CINP: variants seen among roughly 807,000 people sequenced by gnomAD.
CINP encodes cyclin-dependent kinase 2-interacting protein.
Under a neutral mutation model 20.5 loss-of-function variants are expected in CINP, and 11 were observed. The observed-to-expected ratio is 0.54, with a 90% CI of 0.34 to 0.89. The LOEUF is 0.89. Ranked by LOEUF, CINP falls within the 40% of genes least tolerant of loss-of-function variation. CINP has a pLI of 0.02. For missense variants in CINP, 213 were observed against 251.0 expected (o/e 0.85, Z 1.02); for synonymous variants, 108 against 102.1 (o/e 1.06, Z -0.35).
At chr14:102,350,983 G>A (rs1318578200) in intron 3 of CINP, among the ~76,000 whole-genome samples, 1 of 151,866 alleles carries the variant, frequency 6.6e-6, no homozygotes, top group Non-Finnish European at 1.5e-5. Context: ...GTGCCACCAC[G>A]CCCAGCTAAT....
rs376024315 is a variant in CINP at position 102,359,515 on chromosome 14, G to T, written c.80C>A (p.Ala27Glu). 6.2e-7 allele frequency: 1 copy of T among 1,612,588 alleles called. No individual in the cohort carries two copies. The highest frequency in any genetic ancestry group is 8.5e-7 in the Non-Finnish European group (1 of 1,179,250). ...SVSARKIKDN[A>E]ADWHNLILKW... ...CAGGATTAAATTGTGCCAATCAGCC[G>T]CATTGTCCTTAATTTTTCTTGCACT... is the stretch of plus-strand genomic sequence containing the variant. The change falls in exon 2 of 5, where the codon GCG (alanine) becomes GAG (glutamate). Residue 27 changes from alanine (A) to glutamate (E), a missense_variant. Transcript: ENST00000216756.
chr14:102,361,798 CA>C (rs1169587804), intron 1 of CINP, among the ~76,000 whole-genome samples: 3 of 152,188 alleles, frequency 2.0e-5, no homozygotes, highest in African/African-American at 7.2e-5. Flanking sequence ...GGGGAGTGAG[CA>C]ATGAGCTCTG....
chr14:102,348,701 C>A lies in CINP; in HGVS notation c.495G>T (p.Thr165=), dbSNP rs146783256. ...MYRKELLLKR[T]VAKELAHTGD... is the part of the protein sequence containing the mutation. ...CGGTGTGGGCAAGCTCCTTGGCCAC[C>A]GTGCGCTTCAGGAGCAGCTCCTTCC... The change falls in exon 5 of 5, where the codon ACG becomes ACT. Residue 165 remains threonine, a synonymous_variant. Transcript: ENST00000216756. 1.9e-6 allele frequency: 3 copies of A among 1,613,728 alleles called. No homozygotes were observed. Among genetic ancestry groups the A allele is most frequent in the African/African-American group, 2.7e-5 (2 of 74,924 alleles).
chr14:102,361,406 A>G (rs751582131), intron 1 of CINP, among the ~76,000 whole-genome samples: 18 of 152,156 alleles, frequency 1.2e-4, no homozygotes, highest in Non-Finnish European at 1.9e-4. Context: ...TCAGGAGGCC[A>G]AGGCGGGCGG....
At position 102,362,883 on chromosome 14, in the gene CINP, G is replaced by A; in HGVS notation, c.-32C>T. The A allele has an allele frequency of 6.2e-7, 1 of 1,613,606 alleles. No homozygotes were observed. The highest frequency in any genetic ancestry group is 8.5e-7 in the Non-Finnish European group (1 of 1,179,686). On this transcript the variant is annotated 5_prime_UTR_variant, in exon 1 of 5. Transcript: ENST00000216756. The stretch of plus-strand genomic sequence containing the variant: ...CACAGATATCCGTAGAAGGAGACGC[G>A]AAGCCCCGCCCACCCCACCGGAAAC...
At chr14:102,350,646 G>A (rs1425722724) in intron 3 of CINP, among the ~76,000 whole-genome samples, 2 of 151,708 alleles carry the variant, frequency 1.3e-5, no homozygotes, top group African/African-American at 2.4e-5. Flanking sequence ...ATGCGCCACC[G>A]CGCCTGGCTG....
At chr14:102,352,915 C>T (rs1293107957) in intron 3 of CINP, among the ~76,000 whole-genome samples, 1 of 151,672 alleles carries the variant, frequency 6.6e-6, no homozygotes, top group Non-Finnish European at 1.5e-5. Flanking sequence ...TCCTAGAGTG[C>T]TGGGATTACA....
intron 2 of CINP, among the ~76,000 whole-genome samples, chr14:102,356,659 A>G (rs1887004460): frequency 6.6e-6 from 1 of 152,216 alleles, no homozygotes; most frequent in African/African-American, 2.4e-5. Context: ...TTTTGCCAAC[A>G]GCATGTGCTT....
rs1887072544 is a variant in CINP at position 102,359,227 on chromosome 14, A to ATATAT, written c.176+191_176+192insATATA. ...AAAAAAATAAATAAATAAATAACTAAATATATATATATATATATATATATA... is the reference window on the plus strand; with the variant it reads ...AAAAAAATAAATAAATAAATAACTAATATATATATATATATATATATATATATATA... On this transcript the variant is annotated intron_variant, in intron 2 of 4. Transcript: ENST00000216756. Among the ~76,000 whole-genome samples, 374 of 115,404 alleles carry ATATAT rather than the reference A, an allele frequency of 3.2e-3. 4 individuals carry two copies. The highest frequency in any genetic ancestry group is 0.011 in the African/African-American group (359 of 31,572). The allele number at this position is 115,404 out of a possible 152,430, so 75.7% of individuals were successfully genotyped here. A position where few individuals can be genotyped will look rare whatever the true frequency, so the allele number is the denominator to read the frequency against.
chr14:102,350,056 A>G lies in CINP; in HGVS notation c.307-8T>C, dbSNP rs569207583. 45 of 1,607,428 alleles carry G rather than the reference A, an allele frequency of 2.8e-5. No individual in the cohort carries two copies. Among genetic ancestry groups the G allele is most frequent in the Non-Finnish European group, 3.6e-5 (42 of 1,175,670 alleles). On this transcript the variant is annotated splice_polypyrimidine_tract_variant and splice_region_variant and intron_variant, in intron 3 of 4. Coordinates refer to ENST00000216756, the MANE Select transcript of CINP (RefSeq NM_032630.3). The stretch of plus-strand genomic sequence containing the variant: ...TTTCACCTGTATTTTGGTCTGAAAG[A>G]TATCCATTTGGAATATGATAATATT...
At chr14:102,362,682 C>T (rs1887197043) in intron 1 of CINP, 163 bp downstream of exon 1, 3 of 909,886 alleles carry the variant, frequency 3.3e-6, no homozygotes, top group Non-Finnish European at 5.4e-6. Flanking sequence ...CCGAGCAGCT[C>T]GCAGAGGCTG....
rs149410016 is a variant in CINP, at chr14:102,360,717, T to C, written c.8-1130A>G. Among the ~76,000 whole-genome samples, 423 of 152,282 alleles carry C rather than the reference T, an allele frequency of 2.8e-3. 9 individuals carry two copies. The highest frequency in any genetic ancestry group is 0.024 in the Admixed American group (366 of 15,280). On this transcript the variant is annotated intron_variant, in intron 1 of 4. Transcript: ENST00000216756. Reference sequence around the variant, plus strand: ...AAAACCCAGTATCTCACCTGTTAGCTCAAGGGCCTCTACTATCCAAGCTCT... The same window carrying C: ...AAAACCCAGTATCTCACCTGTTAGCCCAAGGGCCTCTACTATCCAAGCTCT...
chr14:102,348,773 GA>G lies in CINP; in HGVS notation c.437-15del, dbSNP rs779602760. ...GCGAAACCTCATCTGAAAGAAACGTGAATCTCCCTTAATGGCAGTGATTCAA... is the reference window on the plus strand; with the variant it reads ...GCGAAACCTCATCTGAAAGAAACGTGATCTCCCTTAATGGCAGTGATTCAA... On this transcript the variant is annotated splice_polypyrimidine_tract_variant and intron_variant, in intron 4 of 4. Coordinates refer to ENST00000216756, the MANE Select transcript of CINP (RefSeq NM_032630.3). The G allele has an allele frequency of 6.2e-7, 1 of 1,609,034 alleles. No individual in the cohort carries two copies. The highest frequency in any genetic ancestry group is 1.7e-5 in the Admixed American group (1 of 59,478).
At chr14:102,353,198 C>G (rs1270993094) in intron 3 of CINP, among the ~76,000 whole-genome samples, 1 of 151,756 alleles carries the variant, frequency 6.6e-6, no homozygotes, top group East Asian at 1.9e-4. Context: ...AGAATAATTC[C>G]AAATAATTTA....
rs1207736185 is a variant in CINP at position 102,355,510 on chromosome 14, A to G, written c.306+258T>C. 8.6e-6 allele frequency: 3 copies of G among 347,856 alleles called. No homozygotes were observed. In the East Asian group the frequency reaches 1.6e-4, roughly 18 times the overall value. 21.5% of individuals were successfully genotyped at this position (347,856 alleles called of 1,614,324 possible). A position where few individuals can be genotyped will look rare whatever the true frequency, so the allele number is the denominator to read the frequency against. Reference sequence around the variant, plus strand: ...AGCCTGGGCGACAAAGCAAGACTCCATATCATGGAAAAAAAAAAAAAATTT... The same window carrying G: ...AGCCTGGGCGACAAAGCAAGACTCCGTATCATGGAAAAAAAAAAAAAATTT... On this transcript the variant is annotated intron_variant, in intron 3 of 4. Coordinates refer to ENST00000216756, the MANE Select transcript of CINP (RefSeq NM_032630.3).
At chr14:102,353,736 C>T (rs1886927433) in intron 3 of CINP, among the ~76,000 whole-genome samples, 1 of 152,004 alleles carries the variant, frequency 6.6e-6, no homozygotes, top group Non-Finnish European at 1.5e-5. Flanking sequence ...CCAAAAGGAG[C>T]CTGAGGAAAC....
chr14:102,362,809 C>A, intron 1 of CINP, 36 bp downstream of exon 1: 1 of 1,613,572 alleles, frequency 6.2e-7, no homozygotes, highest in East Asian at 2.2e-5. Flanking sequence ...ACATTCACAG[C>A]CACCCCACCC....
In CINP at chr14:102,348,817, G is replaced by A. The variant is rs1886804308; in HGVS notation, c.437-58C>T. 7 of 1,487,622 alleles carry A rather than the reference G, an allele frequency of 4.7e-6. No homozygotes were observed. In the South Asian group the frequency reaches 8.3e-5, roughly 18 times the overall value. 92.2% of individuals were successfully genotyped at this position (1,487,622 alleles called of 1,614,324 possible). ...TGATTCAAGAACATAGTGTCGACTT[G>A]GGAAGAACTACATTTTAACAGCTCT... On this transcript the variant is annotated intron_variant, in intron 4 of 4. Coordinates refer to ENST00000216756, the MANE Select transcript of CINP (RefSeq NM_032630.3).
Position 102,351,847 on chromosome 14 carries a change from T to C in CINP, c.307-1799A>G, listed in dbSNP as rs193153861. Reference sequence around the variant, plus strand: ...GAGGAAGGATGAGGCCAGAACTCGATACCATGCCTTCTGACACCAAGTTTT... The same window carrying C: ...GAGGAAGGATGAGGCCAGAACTCGACACCATGCCTTCTGACACCAAGTTTT... On this transcript the variant is annotated intron_variant, in intron 3 of 4. Transcript: ENST00000216756. The surrounding 1 kb of genome is among the most constrained non-coding windows in gnomAD (Gnocchi z 4.2). Among the ~76,000 whole-genome samples the C allele has an allele frequency of 1.7e-3, 263 of 152,300 alleles. 3 individuals carry two copies. Among genetic ancestry groups the C allele is most frequent in the South Asian group, 1.2e-3 (6 of 4,830 alleles).
Sources: allele counts gnomAD v4.1 joint callset (sites outside exome capture counted in the v4.1 genomes callset), GRCh38; gene constraint gnomAD v4.1.1; non-coding constraint Gnocchi (gnomAD v3.1); transcripts MANE v1.5; gene names NCBI Gene and HGNC (gene_info 2026-07-23, HGNC 2026-07-21).